NRCAM: variants seen among roughly 807,000 people sequenced by gnomAD.
NRCAM encodes the protein NgCAM-related cell adhesion molecule.
In NRCAM, 83 loss-of-function variants were observed where a neutral mutation model predicts 156.5. That is an observed-to-expected ratio of 0.53 (90% CI 0.44 to 0.64). The LOEUF is 0.64. NRCAM is among the 30% of genes least tolerant of loss of function. The probability of loss-of-function intolerance (pLI) is 0.00; values close to 1 mark genes in which losing one functional copy is unlikely to be tolerated. For synonymous variants in NRCAM, 538 were observed against 563.9 expected, an observed-to-expected ratio of 0.95 and a Z score of 0.65; for missense variants, 1,417 against 1,597.3, an observed-to-expected ratio of 0.89 and a Z score of 1.92.
At chr7:108,325,398 C>G (rs2099056907) in intron 2 of NRCAM, among the ~76,000 whole-genome samples, 1 of 151,998 alleles carries the variant, frequency 6.6e-6, no homozygotes, top group Non-Finnish European at 1.5e-5. Context: ...TCTTGGGCAA[C>G]TCATTAGGAA....
chr7:108,403,794 C>G (rs1331475045), intron 1 of NRCAM, among the ~76,000 whole-genome samples: 1 of 152,174 alleles, frequency 6.6e-6, no homozygotes, highest in African/African-American at 2.4e-5. Context: ...GCCAAGTTAG[C>G]TTCAACCTTC....
At chr7:108,348,427 G>A (rs1182049011) in intron 2 of NRCAM, among the ~76,000 whole-genome samples, 1 of 152,208 alleles carries the variant, frequency 6.6e-6, no homozygotes, top group Non-Finnish European at 1.5e-5. Flanking sequence ...GAGATTGGCT[G>A]TTATCCTTGG....
chr7:108,334,097 G>A (rs914048894), intron 2 of NRCAM, among the ~76,000 whole-genome samples: 1 of 152,074 alleles, frequency 6.6e-6, no homozygotes, highest in African/African-American at 2.4e-5. Context: ...GAAATGCTGT[G>A]CCATAATTTT....
intron 3 of NRCAM, among the ~76,000 whole-genome samples, chr7:108,247,720 G>C (rs528920820): frequency 6.6e-6 from 1 of 151,684 alleles, no homozygotes; most frequent in Non-Finnish European, 1.5e-5. Flanking sequence ...GGATGAGAGA[G>C]TCCAATATTG....
chr7:108,265,929 G>A (rs184325098), intron 3 of NRCAM, among the ~76,000 whole-genome samples: 3 of 152,228 alleles, frequency 2.0e-5, no homozygotes, highest in Non-Finnish European at 4.4e-5. Flanking sequence ...ATTGGTGAAT[G>A]AGAAAGCCAG....
intron 1 of NRCAM, among the ~76,000 whole-genome samples, chr7:108,429,480 T>C (rs1822039683): frequency 6.6e-6 from 1 of 152,166 alleles, no homozygotes; most frequent in African/African-American, 2.4e-5. Flanking sequence ...GCATGAGCCA[T>C]TGCGCCCAGC....
intron 1 of NRCAM, among the ~76,000 whole-genome samples, chr7:108,450,044 A>T (rs1371589758): frequency 6.6e-6 from 1 of 152,148 alleles, no homozygotes; most frequent in Non-Finnish European, 1.5e-5. Flanking sequence ...AATGAGAAGA[A>T]TTTCAAAAGG....
At chr7:108,284,647 A>G (rs1246455469) in intron 3 of NRCAM, among the ~76,000 whole-genome samples, 1 of 151,196 alleles carries the variant, frequency 6.6e-6, no homozygotes, top group Non-Finnish European at 1.5e-5. Context: ...GCTTTTTGAG[A>G]CTCCCTGTTC....
chr7:108,396,942 T>C (rs1404216607), intron 2 of NRCAM, among the ~76,000 whole-genome samples: 2 of 152,226 alleles, frequency 1.3e-5, no homozygotes, highest in African/African-American at 2.4e-5. Flanking sequence ...AATTTAAAAA[T>C]AACAAAGCCT....
intron 8 of NRCAM, 119 bp from the exon 9 acceptor site, chr7:108,226,497 C>A: frequency 1.8e-6 from 1 of 552,162 alleles, no homozygotes; most frequent in Non-Finnish European, 3.1e-6. Flanking sequence ...TATTTTTTCT[C>A]TATATAGCTC....
At chr7:108,179,680 G>C (rs1195335823) in intron 25 of NRCAM, among the ~76,000 whole-genome samples, 1 of 152,060 alleles carries the variant, frequency 6.6e-6, no homozygotes, top group Non-Finnish European at 1.5e-5. Context: ...GCCCATATCT[G>C]CAATGACTTT....
chr7:108,282,349 G>GA (rs1423282575), intron 3 of NRCAM, among the ~76,000 whole-genome samples: 1 of 152,234 alleles, frequency 6.6e-6, no homozygotes, highest in African/African-American at 2.4e-5. Flanking sequence ...TTTAAAGAAA[G>GA]AAATCTATAC....
chr7:108,451,229 AAAAC>A (rs1232217318), intron 1 of NRCAM, among the ~76,000 whole-genome samples: 19 of 151,782 alleles, frequency 1.3e-4, no homozygotes, highest in Non-Finnish European at 2.2e-4. Flanking sequence ...CAAAAAAAAA[AAAAC>A]AAAGAAAGAA....
intron 2 of NRCAM, among the ~76,000 whole-genome samples, chr7:108,354,452 A>G (rs965889383): frequency 1.3e-5 from 2 of 152,234 alleles, no homozygotes; most frequent in African/African-American, 4.8e-5. Flanking sequence ...AAAGGAATTA[A>G]AGGTAGAAAT....
At chr7:108,238,993 G>T (rs2095345062) in intron 4 of NRCAM, among the ~76,000 whole-genome samples, 1 of 152,068 alleles carries the variant, frequency 6.6e-6, no homozygotes. Context: ...CCAGGAAAGT[G>T]CTATCTTCCT....
At chr7:108,450,126 T>C (rs1243125886) in intron 1 of NRCAM, among the ~76,000 whole-genome samples, 1 of 152,154 alleles carries the variant, frequency 6.6e-6, no homozygotes, top group Non-Finnish European at 1.5e-5. Flanking sequence ...TCCAGGGCAA[T>C]ATGGAAGAAA....
At chr7:108,166,248 CT>C (rs1034778488) in intron 30 of NRCAM, among the ~76,000 whole-genome samples, 26,749 of 129,810 alleles carry the variant, frequency 0.21, 3,671 homozygotes, top group African/African-American at 0.46. Flanking sequence ...TCTTTCTTTT[CT>C]TTTTTTTTTT....
At chr7:108,243,248 C>G (rs895033860) in intron 3 of NRCAM, 11 of 152,334 alleles carry the variant, frequency 7.2e-5, no homozygotes, top group Non-Finnish European at 1.0e-4. Flanking sequence ...ATCACCCACT[C>G]TTGCAACGTA....
intron 20 of NRCAM, among the ~76,000 whole-genome samples, chr7:108,188,489 T>C (rs1476906051): frequency 6.6e-6 from 1 of 152,068 alleles, no homozygotes; most frequent in Non-Finnish European, 1.5e-5. Context: ...TCATCTAAAA[T>C]ATAAGCTCCA....
Sources: gnomAD v4.1 joint callset for allele counts (sites outside exome capture counted in the v4.1 genomes callset) on GRCh38, gnomAD v4.1.1 for gene constraint, MANE v1.5 for transcripts, NCBI Gene and HGNC (gene_info 2026-07-23, HGNC 2026-07-21) for gene names.